The following MTM1 variants were observed in gnomAD, a reference collection of about 807,000 sequenced individuals.
MTM1 encodes the protein myotubularin.
A neutral mutation model predicts 52.1 loss-of-function variants in MTM1; 9 were observed. The ratio of observed to expected loss-of-function variants is 0.17; its 90% CI spans 0.10 to 0.30. MTM1 has a LOEUF of 0.30. MTM1 is among the 10% of genes least tolerant of loss of function. The pLI is 1.00. For synonymous variants in MTM1, 136 were observed against 163.8 expected, an observed-to-expected ratio of 0.83 and a Z score of 1.29; for missense variants, 277 against 470.7, an observed-to-expected ratio of 0.59 and a Z score of 3.81.
chrX:150,580,776 T>C (rs1557411855), intron 1 of MTM1, among the ~76,000 whole-genome samples: 1 of 111,739 alleles, frequency 8.9e-6, no homozygotes, highest in Non-Finnish European at 1.9e-5. Flanking sequence ...TAAGCCATCT[T>C]TGGGGATTCC....
At chrX:150,599,913 T>C (rs1418229286) in intron 4 of MTM1, among the ~76,000 whole-genome samples, 1 of 112,412 alleles carries the variant, frequency 8.9e-6, no homozygotes, top group East Asian at 2.8e-4. Context: ...TTGGCAACAA[T>C]TGGCAAAAAT....
At chrX:150,628,245 A>G (rs1239268757) in intron 6 of MTM1, among the ~76,000 whole-genome samples, 2 of 111,888 alleles carry the variant, frequency 1.8e-5, no homozygotes, top group African/African-American at 6.5e-5. Context: ...TCTGAGTAAA[A>G]AAGTCTCTGT....
In MTM1 at chrX:150,615,845, G is replaced by A. The variant is rs1180919763; in HGVS notation, c.342+1146G>A. Among the ~76,000 whole-genome samples the A allele has an allele frequency of 2.7e-5, 3 of 111,453 alleles. 1 individual carries two copies. In the Admixed American group the frequency reaches 2.9e-4, roughly 11 times the overall value. ...AAATTCACCACTACCATCCACCTCA[G>A]CTTTTTTTTGGTGGTGTTTTAATTC... On this transcript the variant is annotated intron_variant, in intron 5 of 14. Transcript: ENST00000370396.
At position 150,606,553 on chromosome X, in the gene MTM1, C is replaced by T. The variant is rs145412824; in HGVS notation, c.231+7867C>T. 8.9e-3 allele frequency among the ~76,000 whole-genome samples: 995 copies of T among 111,696 alleles called. 11 individuals are homozygous for T. The highest frequency in any genetic ancestry group is 0.03 in the African/African-American group (921 of 30,664). The stretch of plus-strand genomic sequence containing the variant: ...TCATGCTCTTTGGCTAACCTCATCT[C>T]TTGTTCTGTTGAAAAGTCCCCTTGT... On this transcript the variant is annotated intron_variant, in intron 4 of 14. Coordinates refer to ENST00000370396, the MANE Select transcript of MTM1 (RefSeq NM_000252.3).
At chrX:150,603,854 C>T (rs886205166) in intron 4 of MTM1, among the ~76,000 whole-genome samples, 1 of 111,250 alleles carries the variant, frequency 9.0e-6, no homozygotes, top group East Asian at 2.8e-4. Flanking sequence ...GAGAGGACCC[C>T]GGGGGACATG....
chrX:150,616,300 C>A (rs922626458), intron 5 of MTM1, among the ~76,000 whole-genome samples: 2 of 111,735 alleles, frequency 1.8e-5, no homozygotes, highest in Non-Finnish European at 3.8e-5. Flanking sequence ...AACCTTTTAA[C>A]TAAATTGTCT....
intron 2 of MTM1, 110 bp from the exon 3 acceptor site, chrX:150,596,388 T>TA (rs1180736667): frequency 1.6e-6 from 1 of 629,607 alleles, no homozygotes; most frequent in East Asian, 3.6e-5. Context: ...GCTAAATCTC[T>TA]AATGCTTTTT....
rs781855145 is a variant in MTM1, at chrX:150,649,983, TA to T, written c.1053+89del. On this transcript the variant is annotated intron_variant, in intron 10 of 14. Transcript: ENST00000370396. ...GGAATGGACATATTTTTAAATTCCT[TA>T]AAAAAATGGACATTGAGAGATAAAC... The T allele has an allele frequency of 1.8e-5, 16 of 902,848 alleles. 1 individual carries two copies. In the South Asian group the frequency reaches 2.4e-4, roughly 13 times the overall value. The allele number at this position is 902,848 out of a possible 1,213,427, so 74.4% of individuals were successfully genotyped here.
intron 1 of MTM1, among the ~76,000 whole-genome samples, chrX:150,582,028 A>G (rs1557411905): frequency 9.0e-6 from 1 of 111,571 alleles, no homozygotes; most frequent in Non-Finnish European, 1.9e-5. Flanking sequence ...AACCTTTTTT[A>G]TACATATTAA....
intron 4 of MTM1, among the ~76,000 whole-genome samples, chrX:150,608,955 G>A (rs2039224368): frequency 9.1e-6 from 1 of 110,425 alleles, no homozygotes; most frequent in South Asian, 3.9e-4. Flanking sequence ...TCAGCCTCCC[G>A]AGTAGCTGGG....
intron 9 of MTM1, among the ~76,000 whole-genome samples, chrX:150,647,194 A>AATATATATATATGT (rs1405418631): frequency 1.2e-5 from 1 of 83,836 alleles, no homozygotes; most frequent in Admixed American, 1.4e-4. Flanking sequence ...TTTCAGGGTG[A>AATATATATATATGT]ATATATATAT....
intron 5 of MTM1, 130 bp downstream of exon 5, chrX:150,614,829 T>G (rs1762440956): frequency 2.2e-6 from 1 of 457,584 alleles, no homozygotes; most frequent in Non-Finnish European, 3.8e-6. Context: ...GAAATGGTTC[T>G]TCCCTTAAGA....
At chrX:150,648,071 A>G (rs1353095560) in intron 9 of MTM1, among the ~76,000 whole-genome samples, 1 of 112,215 alleles carries the variant, frequency 8.9e-6, no homozygotes, top group Non-Finnish European at 1.9e-5. Context: ...AAAGTGGCCC[A>G]CTTAAATAAT....
At chrX:150,658,106 A>C in intron 11 of MTM1, 79 bp downstream of exon 11, 1 of 825,993 alleles carries the variant, frequency 1.2e-6, no homozygotes, top group South Asian at 2.3e-5. Flanking sequence ...TTACATATTC[A>C]GTATTACAAT....
chrX:150,609,195 G>A (rs2039230275), intron 4 of MTM1, among the ~76,000 whole-genome samples: 1 of 111,260 alleles, frequency 9.0e-6, no homozygotes, highest in South Asian at 3.8e-4. Context: ...TCAAAGTGGT[G>A]TGAGCCAAGG....
At chrX:150,616,395 G>T in intron 5 of MTM1, among the ~76,000 whole-genome samples, 1 of 111,961 alleles carries the variant, frequency 8.9e-6, no homozygotes, top group African/African-American at 3.2e-5. Flanking sequence ...CTGCTTCGGT[G>T]AGATAAAAGA....
At chrX:150,617,580 T>C (rs1411475902) in intron 5 of MTM1, among the ~76,000 whole-genome samples, 1 of 111,969 alleles carries the variant, frequency 8.9e-6, no homozygotes, top group African/African-American at 3.3e-5. Flanking sequence ...GTATACAGAG[T>C]GCTCAATCTC....
chrX:150,641,998 G>A (rs2039856524), intron 8 of MTM1, among the ~76,000 whole-genome samples: 1 of 111,134 alleles, frequency 9.0e-6, no homozygotes, highest in South Asian at 3.8e-4. Flanking sequence ...TAATGGACAT[G>A]TGATACTATC....
chrX:150,665,861 T>C (rs2148517996), intron 14 of MTM1, among the ~76,000 whole-genome samples: 1 of 112,270 alleles, frequency 8.9e-6, no homozygotes, highest in South Asian at 3.7e-4. Context: ...AGCATAGTCA[T>C]ATTACAAACC....
Sources: gnomAD v4.1 joint callset for allele counts (sites outside exome capture counted in the v4.1 genomes callset) on GRCh38, gnomAD v4.1.1 for gene constraint, MANE v1.5 for transcripts, NCBI Gene and HGNC (gene_info 2026-07-23, HGNC 2026-07-21) for gene names.